GABARAPL2: variants seen among roughly 807,000 people sequenced by gnomAD.
The protein encoded by GABARAPL2 is gamma-aminobutyric acid receptor-associated protein-like 2.
In GABARAPL2, 11 loss-of-function variants were observed where a neutral mutation model predicts 16.9. The observed-to-expected ratio is 0.65, with a 90% CI of 0.41 to 1.08. The LOEUF (loss-of-function observed/expected upper bound fraction) is 1.08, where lower values mean the gene tolerates loss of function less well. GABARAPL2 is among the 50% of genes least tolerant of loss of function. The pLI is 0.00. For missense variants in GABARAPL2, 134 were observed against 142.5 expected (o/e 0.94, Z 0.30); for synonymous variants, 57 against 50.7 (o/e 1.12, Z -0.53).
intron 3 of GABARAPL2, chr16:75,576,140 C>G (rs2151720474): frequency 6.6e-6 from 1 of 152,304 alleles, no homozygotes; most frequent in East Asian, 1.9e-4. Flanking sequence ...GTACAAGATG[C>G]TGATGACAGG....
At chr16:75,567,051 C>A in intron 2 of GABARAPL2, 144 bp downstream of exon 2, 1 of 718,352 alleles carries the variant, frequency 1.4e-6, no homozygotes, top group Non-Finnish European at 2.4e-6. Context: ...ATGAGGCCGC[C>A]CAGGGCCGGG....
Position 75,577,689 on chromosome 16 carries a change from C to G in GABARAPL2, c.*320C>G. 4.6e-6 allele frequency: 1 copy of G among 218,254 alleles called. No homozygotes were observed. The highest frequency in any genetic ancestry group is 2.0e-3 in the Middle Eastern group (1 of 512). 13.5% of individuals were successfully genotyped at this position (218,254 alleles called of 1,614,324 possible). On this transcript the variant is annotated 3_prime_UTR_variant, in exon 4 of 4. Coordinates refer to ENST00000037243, the MANE Select transcript of GABARAPL2 (RefSeq NM_007285.7). ...TATTAAAGTGAAAGGGAAGGTGATG[C>G]ATTTATTCTGGGTTATGCTTGAAGT...
At position 75,577,244 on chromosome 16, in the gene GABARAPL2, A is replaced by G. The variant is rs754339627; in HGVS notation, c.264-35A>G. 12 of 1,386,922 alleles carry G rather than the reference A, an allele frequency of 8.7e-6. No homozygotes were observed. In the South Asian group the frequency reaches 1.2e-4, roughly 13 times the overall value. 85.9% of individuals were successfully genotyped at this position (1,386,922 alleles called of 1,614,324 possible). ...CTTTTTCTCCTGAAACCTGGACTCC[A>G]ATTTTCAATGACGTTTTTGTTTTTC... On this transcript the variant is annotated intron_variant, in intron 3 of 3. Coordinates refer to ENST00000037243, the MANE Select transcript of GABARAPL2 (RefSeq NM_007285.7).
rs559399285 is a variant in GABARAPL2, at chr16:75,577,381, G to T, written c.*12G>T. The T allele has an allele frequency of 6.0e-6, 9 of 1,508,556 alleles. No homozygotes were observed. The South Asian group carries it at 1.0e-4, about 17-fold the overall frequency. The allele number at this position is 1,508,556 out of a possible 1,614,324, so 93.4% of individuals were successfully genotyped here. A position where few individuals can be genotyped will look rare whatever the true frequency, so the allele number is the denominator to read the frequency against. ...CTTTTGGCTTCTGAGGGCCATTGCT[G>T]GGCTAGGTGCACCGTAACTGCTTGT... On this transcript the variant is annotated 3_prime_UTR_variant, in exon 4 of 4. Transcript: ENST00000037243.
chr16:75,566,957 G>T, intron 2 of GABARAPL2, 50 bp downstream of exon 2: 1 of 1,463,934 alleles, frequency 6.8e-7, no homozygotes, highest in South Asian at 1.1e-5. Flanking sequence ...TGTCGTCTGG[G>T]ACCCGTGATA....
At chr16:75,566,792 G>C (rs1290947118) in intron 1 of GABARAPL2, 60 bp from the exon 2 acceptor site, 23 of 1,492,720 alleles carry the variant, frequency 1.5e-5, no homozygotes, top group Non-Finnish European at 5.6e-6. Context: ...AGGAGGGCCG[G>C]GGGCCGGGAA....
chr16:75,573,413 T>G (rs2080928184), intron 3 of GABARAPL2, among the ~76,000 whole-genome samples: 1 of 152,224 alleles, frequency 6.6e-6, no homozygotes. Context: ...GCCTCAAAAT[T>G]AGGTGCATGT....
At chr16:75,575,329 C>T (rs1445874219) in intron 3 of GABARAPL2, among the ~76,000 whole-genome samples, 3 of 151,286 alleles carry the variant, frequency 2.0e-5, no homozygotes, top group Non-Finnish European at 4.4e-5. Context: ...GAGTTTTGCT[C>T]TTGTTGCCCA....
intron 3 of GABARAPL2, 161 bp from the exon 4 acceptor site, chr16:75,577,118 A>T: frequency 1.8e-6 from 1 of 568,428 alleles, no homozygotes; most frequent in Non-Finnish European, 3.2e-6. Context: ...CATTTATTTT[A>T]ATCTTTTTAT....
chr16:75,573,677 G>A (rs1415039045), intron 3 of GABARAPL2, among the ~76,000 whole-genome samples: 1 of 152,240 alleles, frequency 6.6e-6, no homozygotes, highest in Non-Finnish European at 1.5e-5. Context: ...GGAGCTTGAT[G>A]TTCCGATGGT....
In GABARAPL2 at chr16:75,577,330, A is replaced by T; in HGVS notation, c.315A>T (p.Leu105Phe). Residue 105 changes from leucine (L) to phenylalanine (F), a missense_variant, in exon 4 of 4, where the codon TTA becomes TTT. Transcript: ENST00000037243. ...AGGAAAAAGATGAAGATGGATTCTTATATGTGGCCTACAGCGGAGAGAACA... is the reference window on the plus strand; with the variant it reads ...AGGAAAAAGATGAAGATGGATTCTTTTATGTGGCCTACAGCGGAGAGAACA... ...YEKEKDEDGF[L>F]YVAYSGENTF... 6.2e-7 allele frequency: 1 copy of T among 1,612,926 alleles called. No individual in the cohort carries two copies. Among genetic ancestry groups the T allele is most frequent in the Non-Finnish European group, 8.5e-7 (1 of 1,178,896 alleles).
intron 3 of GABARAPL2, 106 bp from the exon 4 acceptor site, chr16:75,577,173 G>A: frequency 1.4e-6 from 1 of 734,568 alleles, no homozygotes; most frequent in East Asian, 2.5e-5. Flanking sequence ...GCACACAGCA[G>A]GTACTGACAC....
At chr16:75,567,121 GGCCAGCGAGCCGTCTGCA>G (rs2080888880) in intron 2 of GABARAPL2, among the ~76,000 whole-genome samples, 1 of 152,342 alleles carries the variant, frequency 6.6e-6, no homozygotes, top group Non-Finnish European at 1.5e-5. Flanking sequence ...TCCCGATCTA[GGCCAGCGAGCCGTCTGCA>G]GCCTCGGGGC....
intron 3 of GABARAPL2, chr16:75,576,103 G>T (rs996844605): frequency 2.6e-5 from 4 of 152,264 alleles, no homozygotes; most frequent in East Asian, 1.9e-4. Context: ...AGGCTAAGAG[G>T]TCCTCACAGG....
chr16:75,571,282 T>C (rs1369418766), intron 3 of GABARAPL2, among the ~76,000 whole-genome samples: 1 of 152,132 alleles, frequency 6.6e-6, no homozygotes, highest in Non-Finnish European at 1.5e-5. Context: ...TTACCCACCA[T>C]GCCTGGCCAG....
At chr16:75,570,586 G>A (rs1034566662) in intron 3 of GABARAPL2, among the ~76,000 whole-genome samples, 1 of 152,188 alleles carries the variant, frequency 6.6e-6, no homozygotes, top group Admixed American at 6.5e-5. Flanking sequence ...TCTGCATGAA[G>A]ATCAATTATG....
At chr16:75,569,166 A>T (rs1360069123) in intron 3 of GABARAPL2, among the ~76,000 whole-genome samples, 1 of 152,246 alleles carries the variant, frequency 6.6e-6, no homozygotes, top group Admixed American at 6.5e-5. Flanking sequence ...GCCTGTGCCA[A>T]ATTCCAGACC....
chr16:75,568,364 G>A (rs990073555), intron 3 of GABARAPL2, 155 bp downstream of exon 3: 2 of 559,246 alleles, frequency 3.6e-6, no homozygotes, highest in Middle Eastern at 3.7e-4. Flanking sequence ...GGAAAATAAT[G>A]GCTGCAATAC....
At chr16:75,567,631 A>G (rs1310822002) in intron 2 of GABARAPL2, among the ~76,000 whole-genome samples, 1 of 152,176 alleles carries the variant, frequency 6.6e-6, no homozygotes, top group African/African-American at 2.4e-5. Flanking sequence ...AGGCATTCCA[A>G]TTAGTCCATC....
Sources: allele counts gnomAD v4.1 joint callset (sites outside exome capture counted in the v4.1 genomes callset), GRCh38; gene constraint gnomAD v4.1.1; transcripts MANE v1.5; gene names NCBI Gene and HGNC (gene_info 2026-07-23, HGNC 2026-07-21).